RAB3GAP1: variants seen among roughly 807,000 people sequenced by gnomAD.
The protein encoded by RAB3GAP1 is RAB3 GTPase activating protein catalytic subunit 1.
Under a neutral mutation model 130.7 loss-of-function variants are expected in RAB3GAP1, and 86 were observed. The observed-to-expected ratio is 0.66, with a 90% CI of 0.55 to 0.79. RAB3GAP1 has a LOEUF of 0.79. RAB3GAP1 is among the 30% of genes least tolerant of loss of function. RAB3GAP1 has a pLI of 0.00. For synonymous variants in RAB3GAP1, 367 were observed against 401.7 expected (o/e 0.91, Z 1.03); for missense variants, 1,029 against 1,169.4 (o/e 0.88, Z 1.75).
Position 135,146,971 on chromosome 2 carries a change from A to AACACACAC in RAB3GAP1, c.1924-3377_1924-3370dup, listed in dbSNP as rs34094441. On this transcript the variant is annotated intron_variant, in intron 17 of 23. Coordinates refer to ENST00000264158, the MANE Select transcript of RAB3GAP1 (RefSeq NM_012233.3). ...TATGTGATTATTTCAAGGGGGTATA[A>AACACACAC]ACACACACACACACACACACACACA... 1.9e-3 allele frequency among the ~76,000 whole-genome samples: 273 copies of AACACACAC among 147,528 alleles called. 1 individual carries two copies. Among genetic ancestry groups the AACACACAC allele is most frequent in the African/African-American group, 6.5e-3 (262 of 40,492 alleles).
At chr2:135,110,342 C>A (rs1177229587) in intron 5 of RAB3GAP1, among the ~76,000 whole-genome samples, 1 of 152,036 alleles carries the variant, frequency 6.6e-6, no homozygotes, top group African/African-American at 2.4e-5. Flanking sequence ...GCTATGTTGC[C>A]TAGGCTGGTC....
chr2:135,158,935 A>G (rs1427044229), intron 19 of RAB3GAP1, among the ~76,000 whole-genome samples: 1 of 152,230 alleles, frequency 6.6e-6, no homozygotes, highest in East Asian at 1.9e-4. Flanking sequence ...AATGAGGAAC[A>G]TTCTATTTTA....
At chr2:135,079,161 G>T (rs867604422) in intron 3 of RAB3GAP1, among the ~76,000 whole-genome samples, 1 of 151,994 alleles carries the variant, frequency 6.6e-6, no homozygotes, top group Admixed American at 6.6e-5. Flanking sequence ...GAGCCACTGC[G>T]CCCAGCCAGA....
chr2:135,164,491 A>G lies in RAB3GAP1; in HGVS notation c.2607-103A>G. Reference sequence around the variant, plus strand: ...TCCAACCTTGTTGGGTTTAGCCAGTATCAGCTTGAGGATTTGTCCACAAAA... The same window carrying G: ...TCCAACCTTGTTGGGTTTAGCCAGTGTCAGCTTGAGGATTTGTCCACAAAA... On this transcript the variant is annotated intron_variant, in intron 22 of 23. Transcript: ENST00000264158. 3 of 844,844 alleles carry G rather than the reference A, an allele frequency of 3.6e-6. No homozygotes were observed. The East Asian group carries it at 7.7e-5, about 22-fold the overall frequency. The allele number at this position is 844,844 out of a possible 1,614,324, so 52.3% of individuals were successfully genotyped here. A position where few individuals can be genotyped will look rare whatever the true frequency, so the allele number is the denominator to read the frequency against.
chr2:135,145,576 C>G (rs1691969737), intron 17 of RAB3GAP1, among the ~76,000 whole-genome samples: 1 of 152,118 alleles, frequency 6.6e-6, no homozygotes, highest in Non-Finnish European at 1.5e-5. Context: ...TACCATTTAG[C>G]ATATGTATGG....
At chr2:135,117,108 C>G (rs1416141511) in intron 7 of RAB3GAP1, among the ~76,000 whole-genome samples, 2 of 151,896 alleles carry the variant, frequency 1.3e-5, no homozygotes, top group Non-Finnish European at 1.5e-5. Flanking sequence ...ACCTCTCTGC[C>G]TGTCTCCTCA....
intron 17 of RAB3GAP1, among the ~76,000 whole-genome samples, chr2:135,137,903 G>A (rs1691720215): frequency 6.6e-6 from 1 of 150,882 alleles, no homozygotes; most frequent in Non-Finnish European, 1.5e-5. Context: ...GTAGCTTACT[G>A]CAGCCTTGAC....
intron 7 of RAB3GAP1, among the ~76,000 whole-genome samples, chr2:135,117,624 T>TCTTCTG (rs1416121597): frequency 1.3e-5 from 2 of 149,318 alleles, no homozygotes; most frequent in African/African-American, 5.0e-5. Context: ...TGCTTCTGCT[T>TCTTCTG]CTTCTGCTTC....
At chr2:135,104,626 G>A (rs1574111321) in intron 5 of RAB3GAP1, among the ~76,000 whole-genome samples, 1 of 151,996 alleles carries the variant, frequency 6.6e-6, no homozygotes, top group East Asian at 1.9e-4. Flanking sequence ...GCTGAGGTGG[G>A]CAGATCACTT....
intron 17 of RAB3GAP1, among the ~76,000 whole-genome samples, chr2:135,137,692 T>C (rs557194918): frequency 6.6e-6 from 1 of 152,284 alleles, no homozygotes; most frequent in African/African-American, 2.4e-5. Flanking sequence ...AAAGTAAATA[T>C]CCTTCAATTA....
At chr2:135,125,017 T>C (rs944698194) in intron 9 of RAB3GAP1, among the ~76,000 whole-genome samples, 2 of 152,248 alleles carry the variant, frequency 1.3e-5, no homozygotes, top group Admixed American at 6.5e-5. Flanking sequence ...TCAATGGTAT[T>C]TTAATATTTA....
rs1689393008 is a variant in RAB3GAP1 at position 135,068,841 on chromosome 2, T to C, written c.150+10755T>C. ...TCTCTGTAATTCTAAACAACAAACATCAATCTGCTATGAGAGTTTTTCATA... is the reference window on the plus strand; with the variant it reads ...TCTCTGTAATTCTAAACAACAAACACCAATCTGCTATGAGAGTTTTTCATA... On this transcript the variant is annotated intron_variant, in intron 3 of 23. Transcript: ENST00000264158. Among the ~76,000 whole-genome samples the C allele has an allele frequency of 2.6e-5, 4 of 152,238 alleles. No homozygotes were observed. In the South Asian group the frequency reaches 8.3e-4, roughly 31 times the overall value.
intron 3 of RAB3GAP1, among the ~76,000 whole-genome samples, chr2:135,064,914 T>A (rs1689274792): frequency 6.8e-6 from 1 of 146,152 alleles, no homozygotes; most frequent in Admixed American, 6.7e-5. Context: ...CTCTGAAGAG[T>A]ATTTTTTTTT....
intron 3 of RAB3GAP1, among the ~76,000 whole-genome samples, chr2:135,077,353 A>G (rs1574087634): frequency 6.6e-6 from 1 of 151,852 alleles, no homozygotes; most frequent in African/African-American, 2.4e-5. Context: ...GAATAATGCT[A>G]CTGTGAACAT....
intron 11 of RAB3GAP1, among the ~76,000 whole-genome samples, chr2:135,129,209 T>G (rs989370997): frequency 8.6e-5 from 13 of 150,652 alleles, no homozygotes; most frequent in Admixed American, 4.0e-4. Flanking sequence ...TCCCAGCACT[T>G]TGGGAGGCAG....
chr2:135,125,660 C>CA (rs1691327720), intron 9 of RAB3GAP1, among the ~76,000 whole-genome samples: 1 of 152,132 alleles, frequency 6.6e-6, no homozygotes, highest in South Asian at 2.1e-4. Flanking sequence ...ACTAACAGGG[C>CA]AGGTAGCATA....
At chr2:135,069,570 A>G (rs1382314063) in intron 3 of RAB3GAP1, among the ~76,000 whole-genome samples, 1 of 152,198 alleles carries the variant, frequency 6.6e-6, no homozygotes, top group Non-Finnish European at 1.5e-5. Context: ...GCATTTTTCC[A>G]TAGAACAGAT....
At chr2:135,105,549 G>A (rs1690576783) in intron 5 of RAB3GAP1, among the ~76,000 whole-genome samples, 1 of 152,164 alleles carries the variant, frequency 6.6e-6, no homozygotes, top group South Asian at 2.1e-4. Flanking sequence ...TGTTGCCCAG[G>A]CTGGAGTGCA....
chr2:135,153,971 T>C, intron 19 of RAB3GAP1, 95 bp downstream of exon 19: 2 of 1,152,186 alleles, frequency 1.7e-6, no homozygotes, highest in Non-Finnish European at 1.3e-6. Flanking sequence ...TTGGACACAC[T>C]TGAGGTGCAA....
Sources: allele counts gnomAD v4.1 joint callset (sites outside exome capture counted in the v4.1 genomes callset), GRCh38; gene constraint gnomAD v4.1.1; transcripts MANE v1.5; gene names NCBI Gene and HGNC (gene_info 2026-07-23, HGNC 2026-07-21).